Variants in GTF2IRD1 observed in about 807,000 individuals in gnomAD.
The protein encoded by GTF2IRD1 is GTF2I repeat domain containing 1, also known as general transcription factor II-I repeat domain-containing protein 1.
A neutral mutation model predicts 113.2 loss-of-function variants in GTF2IRD1; 26 were observed. The observed-to-expected ratio is 0.23, with a 90% confidence interval of 0.17 to 0.32. The LOEUF (loss-of-function observed/expected upper bound fraction) is 0.32. Among genes scored for constraint, GTF2IRD1 ranks in the 10% least tolerant of loss-of-function variants. The pLI, the probability that GTF2IRD1 is intolerant of heterozygous loss-of-function variation, is 1.00. For missense variants in GTF2IRD1, 864 were observed against 1,280.8 expected, an observed-to-expected ratio of 0.67 and a Z score of 4.97; for synonymous variants, 484 against 529.1, an observed-to-expected ratio of 0.91 and a Z score of 1.17.
intron 22 of GTF2IRD1, among the ~76,000 whole-genome samples, chr7:74,569,699 A>G (rs1800573078): frequency 6.6e-6 from 1 of 152,196 alleles, no homozygotes; most frequent in Non-Finnish European, 1.5e-5. Flanking sequence ...GGGAGTGTTG[A>G]GAAGGTCTGA....
chr7:74,511,635 G>A (rs1371866839), intron 2 of GTF2IRD1, among the ~76,000 whole-genome samples: 2 of 152,330 alleles, frequency 1.3e-5, no homozygotes, highest in Admixed American at 6.5e-5. Flanking sequence ...TAACCAGAGC[G>A]ACTCCAGGCT....
intron 6 of GTF2IRD1, among the ~76,000 whole-genome samples, 177 bp from the exon 7 acceptor site, chr7:74,521,031 T>A (rs1178061777): frequency 3.9e-5 from 6 of 151,966 alleles, no homozygotes; most frequent in Non-Finnish European, 8.8e-5. Context: ...TGGTGCAGAA[T>A]GTCTTAGACC....
At chr7:74,598,232 AAG>A (rs1554372959) in intron 25 of GTF2IRD1, among the ~76,000 whole-genome samples, 1 of 151,884 alleles carries the variant, frequency 6.6e-6, no homozygotes, top group East Asian at 1.9e-4. Context: ...CCAAAAAAAA[AAG>A]AGCCAGTTAA....
intron 14 of GTF2IRD1, among the ~76,000 whole-genome samples, chr7:74,543,308 AG>A (rs1254858065): frequency 1.3e-5 from 2 of 151,526 alleles, no homozygotes; most frequent in Non-Finnish European, 2.9e-5. Context: ...GTCTAGAAAA[AG>A]AAAAAAAAAG....
intron 1 of GTF2IRD1, among the ~76,000 whole-genome samples, chr7:74,484,422 C>T (rs1794904214): frequency 6.6e-6 from 1 of 150,988 alleles, no homozygotes; most frequent in South Asian, 2.1e-4. Flanking sequence ...ACTGAGATTA[C>T]AGGCATGAGC....
At chr7:74,504,148 C>A (rs996459058) in intron 1 of GTF2IRD1, among the ~76,000 whole-genome samples, 9 of 152,142 alleles carry the variant, frequency 5.9e-5, no homozygotes, top group Non-Finnish European at 1.2e-4. Flanking sequence ...TTTTCTTTAT[C>A]CATTCTACCG....
chr7:74,543,032 G>A (rs587723269), intron 14 of GTF2IRD1, among the ~76,000 whole-genome samples: 6 of 152,202 alleles, frequency 3.9e-5, no homozygotes, highest in African/African-American at 1.4e-4. Context: ...CTGGCTGGGT[G>A]TGGTGGCTCA....
intron 8 of GTF2IRD1, among the ~76,000 whole-genome samples, chr7:74,528,706 GGTGGATGGA>G (rs1797744802): frequency 6.9e-6 from 1 of 144,710 alleles, no homozygotes; most frequent in Admixed American, 7.3e-5. Flanking sequence ...AGGAAAGATG[GGTGGATGGA>G]TGGATGGATG....
chr7:74,591,374 C>CTTTTTTTTTTTT (rs782483943), intron 24 of GTF2IRD1, among the ~76,000 whole-genome samples: 1 of 118,060 alleles, frequency 8.5e-6, no homozygotes, highest in Non-Finnish European at 1.7e-5. Flanking sequence ...CAGTGATTCT[C>CTTTTTTTTTTTT]TTTTTTTTTT....
intron 2 of GTF2IRD1, among the ~76,000 whole-genome samples, chr7:74,510,640 A>T (rs1796571279): frequency 6.6e-6 from 1 of 152,132 alleles, no homozygotes; most frequent in South Asian, 2.1e-4. Context: ...AAACGAAATA[A>T]ACAACTCAGT....
chr7:74,574,918 G>A (rs1022461623), intron 22 of GTF2IRD1, among the ~76,000 whole-genome samples: 5 of 151,886 alleles, frequency 3.3e-5, no homozygotes, highest in Non-Finnish European at 2.9e-5. Flanking sequence ...GTGAAACTCC[G>A]TTTCTACTAA....
intron 12 of GTF2IRD1, 130 bp from the exon 13 acceptor site, chr7:74,538,550 G>A: frequency 1.3e-6 from 1 of 777,112 alleles, no homozygotes; most frequent in South Asian, 1.4e-5. Flanking sequence ...CGGAGCCAGG[G>A]GGCTGACATG....
intron 22 of GTF2IRD1, chr7:74,572,476 G>C: frequency 2.1e-6 from 1 of 485,826 alleles, no homozygotes; most frequent in Non-Finnish European, 2.7e-6. Context: ...GCTTGTCTCT[G>C]ATTTTAGATA....
At chr7:74,519,189 G>T (rs1441044837) in intron 5 of GTF2IRD1, among the ~76,000 whole-genome samples, 1 of 152,190 alleles carries the variant, frequency 6.6e-6, no homozygotes, top group Non-Finnish European at 1.5e-5. Flanking sequence ...GAGGGGCAGG[G>T]CCCAGGTCCT....
chr7:74,583,780 G>A (rs1801566900), intron 22 of GTF2IRD1, among the ~76,000 whole-genome samples: 1 of 152,170 alleles, frequency 6.6e-6, no homozygotes, highest in Non-Finnish European at 1.5e-5. Context: ...AAGAGGGGAA[G>A]TTTCCTGATT....
At chr7:74,504,827 A>C (rs1415587009) in intron 1 of GTF2IRD1, among the ~76,000 whole-genome samples, 13 of 145,898 alleles carry the variant, frequency 8.9e-5, no homozygotes, top group Admixed American at 6.9e-4. Flanking sequence ...CCTGCCTCAG[A>C]CTCCCAAGTA....
intron 9 of GTF2IRD1, among the ~76,000 whole-genome samples, chr7:74,534,087 C>G (rs1335627795): frequency 1.3e-5 from 2 of 151,802 alleles, no homozygotes; most frequent in African/African-American, 4.8e-5. Flanking sequence ...GTTGGCAGCT[C>G]TGCTCTGTGC....
At chr7:74,524,904 A>G (rs1471985624) in intron 8 of GTF2IRD1, among the ~76,000 whole-genome samples, 1 of 152,094 alleles carries the variant, frequency 6.6e-6, no homozygotes, top group Non-Finnish European at 1.5e-5. Flanking sequence ...TAAAAAATTA[A>G]CCACACACCT....
At chr7:74,456,576 G>T (rs956048380) in intron 1 of GTF2IRD1, among the ~76,000 whole-genome samples, 1 of 151,928 alleles carries the variant, frequency 6.6e-6, no homozygotes, top group African/African-American at 2.4e-5. Context: ...CCAGCTGCTC[G>T]GGAGGCTGAG....
Sources: gnomAD v4.1 joint callset for allele counts (sites outside exome capture counted in the v4.1 genomes callset) on GRCh38, gnomAD v4.1.1 for gene constraint, MANE v1.5 for transcripts, NCBI Gene and HGNC (gene_info 2026-07-23, HGNC 2026-07-21) for gene names.